Variants in RTCB observed in about 807,000 individuals in gnomAD.
RTCB encodes RNA-splicing ligase RTCB.
In RTCB, 32 loss-of-function variants were observed where a neutral mutation model predicts 58.2. The ratio of observed to expected loss-of-function variants is 0.55; its 90% CI spans 0.41 to 0.74. The LOEUF (loss-of-function observed/expected upper bound fraction) is 0.74. Among genes scored for constraint, RTCB ranks in the 30% least tolerant of loss-of-function variants. The pLI is 0.00. For missense variants in RTCB, 523 were observed against 639.0 expected, an observed-to-expected ratio of 0.82 and a Z score of 1.96; for synonymous variants, 247 against 218.6, an observed-to-expected ratio of 1.13 and a Z score of -1.15.
chr22:32,390,682 T>C (rs1422869486), intron 11 of RTCB, among the ~76,000 whole-genome samples: 7 of 152,144 alleles, frequency 4.6e-5, no homozygotes, highest in Non-Finnish European at 8.8e-5. Context: ...TCTCCTCACC[T>C]TGTGATCCAC....
At chr22:32,403,402 G>A (rs868170448) in intron 4 of RTCB, among the ~76,000 whole-genome samples, 42 of 150,600 alleles carry the variant, frequency 2.8e-4, no homozygotes, top group Middle Eastern at 3.4e-3. Flanking sequence ...GCGAGACTCC[G>A]TCTCAAAAAA....
chr22:32,410,680 G>T (rs1601433264), intron 1 of RTCB, among the ~76,000 whole-genome samples: 1 of 151,770 alleles, frequency 6.6e-6, no homozygotes, highest in Non-Finnish European at 1.5e-5. Context: ...TGTGTTATTA[G>T]ATCCTACAGA....
chr22:32,391,642 C>T (rs571961568), intron 11 of RTCB, among the ~76,000 whole-genome samples: 11 of 152,076 alleles, frequency 7.2e-5, no homozygotes, highest in Non-Finnish European at 8.8e-5. Context: ...CTGCCCACCT[C>T]GGCCTCCCAA....
intron 6 of RTCB, among the ~76,000 whole-genome samples, chr22:32,399,097 T>C (rs1484390165): frequency 6.6e-6 from 1 of 152,136 alleles, no homozygotes; most frequent in Non-Finnish European, 1.5e-5. Context: ...CTGATAAACA[T>C]ATTCTATTTT....
At chr22:32,404,088 T>C (rs1933382132) in intron 4 of RTCB, among the ~76,000 whole-genome samples, 1 of 152,262 alleles carries the variant, frequency 6.6e-6, no homozygotes, top group Non-Finnish European at 1.5e-5. Context: ...TGTTTCCGTA[T>C]CTTGGCTACT....
rs1222780649 is a variant in RTCB at position 32,399,695 on chromosome 22, CA to C, written c.561del (p.Glu188LysfsTer69). The C allele has an allele frequency of 6.2e-7, 1 of 1,613,982 alleles. No individual in the cohort carries two copies. Among genetic ancestry groups the C allele is most frequent in the Non-Finnish European group, 8.5e-7 (1 of 1,179,988 alleles). On this transcript the variant is annotated frameshift_variant, in exon 6 of 12. Transcript: ENST00000216038. LOFTEE classifies it high-confidence loss of function. ...DWSLREGYAW[A>X]EDKEHCEEYG... ...TACTCCTCGCAGTGCTCCTTGTCTT[CA>C]GCCCAGGCATACCCTTCTCTTAAGG...
At chr22:32,406,054 T>C (rs1231038484) in intron 4 of RTCB, among the ~76,000 whole-genome samples, 1 of 152,162 alleles carries the variant, frequency 6.6e-6, no homozygotes, top group Non-Finnish European at 1.5e-5. Context: ...TTATTAGACG[T>C]GATCTGTCCA....
At chr22:32,409,477 G>A (rs1305631022) in intron 1 of RTCB, among the ~76,000 whole-genome samples, 1 of 152,150 alleles carries the variant, frequency 6.6e-6, no homozygotes, top group African/African-American at 2.4e-5. Flanking sequence ...GGCAATGGAC[G>A]ACATACTTAT....
chr22:32,392,115 G>A, intron 11 of RTCB, 125 bp downstream of exon 11: 1 of 988,654 alleles, frequency 1.0e-6, no homozygotes, highest in South Asian at 1.9e-5. Flanking sequence ...CAAAATTGAG[G>A]TCATAAAAAA....
intron 9 of RTCB, 112 bp from the exon 10 acceptor site, chr22:32,394,114 C>CTT (rs11396073): frequency 0.11 from 55,558 of 508,134 alleles, 1,546 homozygotes; most frequent in Non-Finnish European, 0.14. Context: ...ACCCAGACTT[C>CTT]TTTTTTTTTT....
At chr22:32,408,665 T>A in intron 2 of RTCB, 90 bp downstream of exon 2, 2 of 941,766 alleles carry the variant, frequency 2.1e-6, no homozygotes, top group Admixed American at 3.6e-5. Flanking sequence ...TTGACAATAT[T>A]TCAGAATTAT....
intron 7 of RTCB, 29 bp downstream of exon 7, chr22:32,397,912 T>C (rs1933272686): frequency 1.3e-6 from 2 of 1,576,306 alleles, no homozygotes; most frequent in Non-Finnish European, 1.7e-6. Flanking sequence ...CCATAAAATG[T>C]ACATTTTAGC....
rs965546814 is a variant in RTCB, at chr22:32,411,925, G to A, written c.93+139C>T. ...GTTGGGCGGCCCCAGAACCGTGAGGGGAGAAGGACGGGATGAGGGAAACTC... is the reference window on the plus strand; with the variant it reads ...GTTGGGCGGCCCCAGAACCGTGAGGAGAGAAGGACGGGATGAGGGAAACTC... On this transcript the variant is annotated intron_variant, in intron 1 of 11. Coordinates refer to ENST00000216038, the MANE Select transcript of RTCB (RefSeq NM_014306.5). The A allele has an allele frequency of 7.9e-6, 5 of 633,580 alleles. No homozygotes were observed. In the Admixed American group the frequency reaches 9.1e-5, roughly 12 times the overall value. 39.2% of individuals were successfully genotyped at this position (633,580 alleles called of 1,614,324 possible).
At chr22:32,401,646 G>A (rs1933337796) in intron 5 of RTCB, 101 bp downstream of exon 5, 1 of 1,310,344 alleles carries the variant, frequency 7.6e-7, no homozygotes, top group African/African-American at 1.5e-5. Context: ...AAAAGTAACT[G>A]AACAATCCTC....
At chr22:32,401,975 T>C (rs1488689572) in intron 4 of RTCB, 72 bp from the exon 5 acceptor site, 25 of 1,462,884 alleles carry the variant, frequency 1.7e-5, no homozygotes, top group African/African-American at 1.4e-5. Context: ...GCCATTAATA[T>C]GGAACTATAA....
At position 32,388,051 on chromosome 22, in the gene RTCB, C is replaced by G; in HGVS notation, c.1459G>C (p.Asp487His). ...ATGGCTTTCTTGCTGATTCCAGCAT[C>G]ATGGCAGGTATTTACCACATCTGTC... ...NVTDVVNTCH[D>H]AGISKKAIKL... is the part of the protein sequence containing the mutation. The change falls in exon 12 of 12, where the codon GAT (aspartate) becomes CAT (histidine). Residue 487 changes from aspartate (D) to histidine (H), a missense_variant. Transcript: ENST00000216038. 6.2e-7 allele frequency: 1 copy of G among 1,614,092 alleles called. No individual in the cohort carries two copies. The highest frequency in any genetic ancestry group is 8.5e-7 in the Non-Finnish European group (1 of 1,179,950).
In RTCB at chr22:32,412,146, C is replaced by T; in HGVS notation, c.11G>A (p.Ser4Asn). 2 of 1,596,354 alleles carry T rather than the reference C, an allele frequency of 1.3e-6. No individual in the cohort carries two copies. Among genetic ancestry groups the T allele is most frequent in the South Asian group, 1.1e-5 (1 of 88,686 alleles). Reference sequence around the variant, plus strand: ...CAAGAACTGCAGCTCATCATTATAGCTGCGACTCATGGTGGCGAAAACTGT... The same window carrying T: ...CAAGAACTGCAGCTCATCATTATAGTTGCGACTCATGGTGGCGAAAACTGT... Reference protein sequence around the residue: MSRSYNDELQFLEK... With the variant: MSRNYNDELQFLEK... Residue 4 changes from serine (S) to asparagine (N), a missense_variant, in exon 1 of 12, where the codon AGC becomes AAC. Transcript: ENST00000216038.
intron 10 of RTCB, 147 bp downstream of exon 10, chr22:32,393,745 C>A: frequency 1.6e-6 from 1 of 625,814 alleles, no homozygotes; most frequent in Non-Finnish European, 2.9e-6. Flanking sequence ...AAATAGTATA[C>A]ATTATGGGGA....
intron 4 of RTCB, among the ~76,000 whole-genome samples, chr22:32,405,491 CA>C (rs1933404536): frequency 1.3e-5 from 2 of 152,288 alleles, no homozygotes; most frequent in Admixed American, 1.3e-4. Context: ...TACACACACA[CA>C]ACCACACATG....
Sources: allele counts gnomAD v4.1 joint callset (sites outside exome capture counted in the v4.1 genomes callset), GRCh38; gene constraint gnomAD v4.1.1; transcripts MANE v1.5; gene names NCBI Gene and HGNC (gene_info 2026-07-23, HGNC 2026-07-21).